The following PRKAA2 variants were observed in gnomAD, a reference collection of about 807,000 sequenced individuals.
The protein encoded by PRKAA2 is protein kinase AMP-activated catalytic subunit alpha 2.
PRKAA2 carries 40 observed loss-of-function variants against 56.3 expected under a neutral mutation model. The ratio of observed to expected loss-of-function variants is 0.71; its 90% CI spans 0.55 to 0.92. The LOEUF (loss-of-function observed/expected upper bound fraction) is 0.92, where lower values mean the gene tolerates loss of function less well. PRKAA2 is among the 40% of genes least tolerant of loss of function. The probability of loss-of-function intolerance (pLI) is 0.00; values close to 1 mark genes in which losing one functional copy is unlikely to be tolerated. For synonymous variants in PRKAA2, 214 were observed against 234.2 expected, an observed-to-expected ratio of 0.91 and a Z score of 0.79; for missense variants, 542 against 686.9, an observed-to-expected ratio of 0.79 and a Z score of 2.36.
At chr1:56,650,671 A>G (rs572398840) in intron 1 of PRKAA2, among the ~76,000 whole-genome samples, 1 of 152,332 alleles carries the variant, frequency 6.6e-6, no homozygotes, top group East Asian at 1.9e-4. Flanking sequence ...TTACTCCAGA[A>G]ATATGTTTAC....
chr1:56,654,938 T>G (rs1273039399), intron 1 of PRKAA2, among the ~76,000 whole-genome samples: 1 of 151,992 alleles, frequency 6.6e-6, no homozygotes, highest in Non-Finnish European at 1.5e-5. Flanking sequence ...AGATAATTTA[T>G]AAAATCTTGC....
intron 1 of PRKAA2, among the ~76,000 whole-genome samples, chr1:56,659,160 T>C (rs1395615863): frequency 6.6e-6 from 1 of 151,936 alleles, no homozygotes; most frequent in Non-Finnish European, 1.5e-5. Flanking sequence ...AAAATAAAGT[T>C]GATTTTCCTG....
intron 1 of PRKAA2, among the ~76,000 whole-genome samples, chr1:56,653,938 A>G (rs920835748): frequency 3.3e-5 from 5 of 152,136 alleles, no homozygotes; most frequent in Admixed American, 2.0e-4. Flanking sequence ...GGTATCCATC[A>G]TAGAAACTCT....
At chr1:56,648,335 G>A (rs1224156175) in intron 1 of PRKAA2, among the ~76,000 whole-genome samples, 2 of 152,072 alleles carry the variant, frequency 1.3e-5, no homozygotes, top group Non-Finnish European at 2.9e-5. Context: ...CTTTTGTGTC[G>A]AGCTTCTTTA....
rs561875972 is a variant in PRKAA2 at position 56,692,957 on chromosome 1, G to A, written c.475+455G>A. ...CTGATCCACAAAGAGGTCCTTAGGT[G>A]TAACGTCTAATAACTTGATTAGAGA... On this transcript the variant is annotated intron_variant, in intron 4 of 8. Coordinates refer to ENST00000371244, the MANE Select transcript of PRKAA2 (RefSeq NM_006252.4). Among the ~76,000 whole-genome samples the A allele has an allele frequency of 4.6e-5, 7 of 152,194 alleles. No individual in the cohort carries two copies. The South Asian group carries it at 1.5e-3, about 32-fold the overall frequency.
chr1:56,673,560 G>A (rs1313345090), intron 1 of PRKAA2, among the ~76,000 whole-genome samples: 1 of 152,078 alleles, frequency 6.6e-6, no homozygotes, highest in African/African-American at 2.4e-5. Context: ...TCGACTGAGG[G>A]ATTTTTCACC....
intron 5 of PRKAA2, 48 bp downstream of exon 5, chr1:56,693,900 G>T: frequency 1.5e-6 from 2 of 1,294,724 alleles, no homozygotes; most frequent in Non-Finnish European, 1.1e-6. Flanking sequence ...TGTTCATTTT[G>T]ATAACATTTA....
At chr1:56,681,220 T>G (rs527660988) in intron 2 of PRKAA2, among the ~76,000 whole-genome samples, 1 of 152,350 alleles carries the variant, frequency 6.6e-6, no homozygotes, top group East Asian at 1.9e-4. Flanking sequence ...TTTTTTCTTG[T>G]ACATTTGTTA....
intron 1 of PRKAA2, among the ~76,000 whole-genome samples, chr1:56,653,713 CA>C (rs978868765): frequency 6.6e-6 from 1 of 151,986 alleles, no homozygotes; most frequent in Non-Finnish European, 1.5e-5. Flanking sequence ...GTTCTGAGAC[CA>C]GAAATTTATT....
chr1:56,695,496 A>G (rs914330943), intron 5 of PRKAA2, among the ~76,000 whole-genome samples: 1 of 151,970 alleles, frequency 6.6e-6, no homozygotes. Context: ...CAGCCTTAAT[A>G]TTCTTTAAAG....
intron 1 of PRKAA2, among the ~76,000 whole-genome samples, chr1:56,656,999 A>G (rs772542612): frequency 7.2e-5 from 11 of 152,358 alleles, no homozygotes; most frequent in Non-Finnish European, 1.3e-4. Flanking sequence ...AGATAATGGC[A>G]GAAAGTATTC....
intron 2 of PRKAA2, among the ~76,000 whole-genome samples, chr1:56,682,911 A>G (rs1251422946): frequency 6.6e-6 from 1 of 152,138 alleles, no homozygotes; most frequent in African/African-American, 2.4e-5. Flanking sequence ...TTTAGTGACC[A>G]CTGTGTTGGA....
chr1:56,650,416 G>T (rs1415027656), intron 1 of PRKAA2, among the ~76,000 whole-genome samples: 1 of 152,122 alleles, frequency 6.6e-6, no homozygotes. Context: ...GACTGTTTAG[G>T]CTCTCACTCT....
intron 5 of PRKAA2, among the ~76,000 whole-genome samples, chr1:56,695,216 G>A (rs1370596008): frequency 1.4e-5 from 2 of 143,530 alleles, no homozygotes; most frequent in Admixed American, 1.4e-4. Context: ...TTTGTTTTGA[G>A]ATAGAGTCTC....
chr1:56,688,423 A>T (rs936949705), intron 2 of PRKAA2, among the ~76,000 whole-genome samples: 3 of 152,222 alleles, frequency 2.0e-5, no homozygotes, highest in Non-Finnish European at 4.4e-5. Flanking sequence ...TATTGTAATA[A>T]TAAAAACATA....
At chr1:56,648,163 GT>G in intron 1 of PRKAA2, among the ~76,000 whole-genome samples, 1 of 152,138 alleles carries the variant, frequency 6.6e-6, no homozygotes, top group Non-Finnish European at 1.5e-5. Flanking sequence ...TTATAGATAG[GT>G]TTTAGGACAT....
chr1:56,665,927 A>ACC lies in PRKAA2; in HGVS notation c.95-8454_95-8453insCC, dbSNP rs1241727887. Among the ~76,000 whole-genome samples the ACC allele has an allele frequency of 3.3e-5, 5 of 152,148 alleles. No individual in the cohort carries two copies. The South Asian group carries it at 1.0e-3, about 32-fold the overall frequency. ...AATTGTAGTTCTGGTGCTGATGGTT[A>ACC]TTATTTTTTCTTCTGATTCTTTTCC... On this transcript the variant is annotated intron_variant, in intron 1 of 8. Transcript: ENST00000371244.
chr1:56,692,630 C>T, intron 4 of PRKAA2, 128 bp downstream of exon 4: 3 of 848,748 alleles, frequency 3.5e-6, no homozygotes, highest in South Asian at 6.5e-5. Flanking sequence ...GCTGAAATCT[C>T]CTCAGTAGCT....
At chr1:56,661,728 A>G (rs898114154) in intron 1 of PRKAA2, among the ~76,000 whole-genome samples, 1 of 151,858 alleles carries the variant, frequency 6.6e-6, no homozygotes, top group Non-Finnish European at 1.5e-5. Context: ...ATTTTTTTCT[A>G]CTGTCACATT....
Sources: gnomAD v4.1 joint callset for allele counts (sites outside exome capture counted in the v4.1 genomes callset) on GRCh38, gnomAD v4.1.1 for gene constraint, MANE v1.5 for transcripts, NCBI Gene and HGNC (gene_info 2026-07-23, HGNC 2026-07-21) for gene names.